The following ANO4 variants were observed in gnomAD, a reference collection of about 807,000 sequenced individuals.
ANO4 encodes the protein anoctamin 4, also known as anoctamin-4.
Under a neutral mutation model 141.9 loss-of-function variants are expected in ANO4, and 69 were observed. That is an observed-to-expected ratio of 0.49 (90% CI 0.40 to 0.59). ANO4 has a LOEUF of 0.59. ANO4 is among the 20% of genes least tolerant of loss of function. The pLI, the probability that ANO4 is intolerant of heterozygous loss-of-function variation, is 0.00. For synonymous variants in ANO4, 350 were observed against 394.3 expected (o/e 0.89, Z 1.33); for missense variants, 894 against 1,162.2 (o/e 0.77, Z 3.36).
At chr12:100,802,000 C>T (rs1013052596) in intron 1 of ANO4, among the ~76,000 whole-genome samples, 2 of 152,062 alleles carry the variant, frequency 1.3e-5, no homozygotes, top group Non-Finnish European at 2.9e-5. Flanking sequence ...ACGTTTTTTT[C>T]TCACCCATCC....
intron 8 of ANO4, among the ~76,000 whole-genome samples, chr12:100,999,544 C>G (rs2045544921): frequency 6.6e-6 from 1 of 152,156 alleles, no homozygotes. Flanking sequence ...TGCCATATTG[C>G]TTAACATTCT....
chr12:101,008,223 G>A (rs1173984114), intron 8 of ANO4, among the ~76,000 whole-genome samples: 2 of 151,840 alleles, frequency 1.3e-5, no homozygotes, highest in South Asian at 2.1e-4. Flanking sequence ...AATTAGACAT[G>A]TATACATTTT....
chr12:100,977,218 T>A (rs2044239072), intron 7 of ANO4, among the ~76,000 whole-genome samples: 1 of 152,184 alleles, frequency 6.6e-6, no homozygotes, highest in South Asian at 2.1e-4. Context: ...AGGGTATCCT[T>A]CTATTCTTTC....
At chr12:100,792,064 G>T (rs76685038), upstream of ANO4, among the ~76,000 whole-genome samples, 5 of 151,734 alleles carry the variant, frequency 3.3e-5, no homozygotes, top group African/African-American at 9.7e-5. Flanking sequence ...TTATGTGGCC[G>T]CCTACCCTCT....
At chr12:100,898,131 TG>T (rs2040429488) in intron 1 of ANO4, among the ~76,000 whole-genome samples, 1 of 152,242 alleles carries the variant, frequency 6.6e-6, no homozygotes, top group African/African-American at 2.4e-5. Flanking sequence ...CAGGCTCTTA[TG>T]GTTGTGATGA....
Position 100,882,675 on chromosome 12 carries a change from G to GTT in ANO4, c.-140-18964_-140-18963dup, listed in dbSNP as rs59850665. Among the ~76,000 whole-genome samples the GTT allele has an allele frequency of 1.8e-4, 28 of 151,480 alleles. No individual in the cohort carries two copies. The East Asian group carries it at 4.5e-3, about 24-fold the overall frequency. The stretch of plus-strand genomic sequence containing the variant: ...GCCTTTGGCAGTCTTCTGGAACTCT[G>GTT]TTTTTTTTGTTTGTTTTTTGTTTTT... On this transcript the variant is annotated intron_variant, in intron 1 of 27. Coordinates refer to ENST00000392977, the MANE Select transcript of ANO4 (RefSeq NM_001286615.2).
intron 8 of ANO4, among the ~76,000 whole-genome samples, chr12:100,996,226 C>T (rs2045361637): frequency 6.6e-6 from 1 of 152,100 alleles, no homozygotes. Context: ...ATAAAAAGAC[C>T]ACCTGACACA....
Position 101,128,300 on chromosome 12 carries a change from C to G in ANO4, c.*444C>G, listed in dbSNP as rs1849710. The G allele has an allele frequency of 0.14, 20,607 of 152,592 alleles. 1,446 individuals carry two copies. Among genetic ancestry groups the G allele is most frequent in the East Asian group, 0.19 (965 of 5,166 alleles). The allele number at this position is 152,592 out of a possible 1,614,324, so 9.5% of individuals were successfully genotyped here. A position where few individuals can be genotyped will look rare whatever the true frequency, so the allele number is the denominator to read the frequency against. On this transcript the variant is annotated 3_prime_UTR_variant, in exon 28 of 28. Coordinates refer to ENST00000392977, the MANE Select transcript of ANO4 (RefSeq NM_001286615.2). ...TATGGTCCTAATTCCATGTCACCAA[C>G]AACACAGACAAGACCCTGTTTACAA...
chr12:100,745,045 G>C (rs906114563), intron 3 of ANO4, among the ~76,000 whole-genome samples: 2 of 151,332 alleles, frequency 1.3e-5, no homozygotes, highest in Non-Finnish European at 1.5e-5. Flanking sequence ...GAAAATCTCT[G>C]TTGCTTCTCC....
At chr12:100,839,344 G>A (rs2037114380) in intron 1 of ANO4, among the ~76,000 whole-genome samples, 1 of 152,164 alleles carries the variant, frequency 6.6e-6, no homozygotes, top group South Asian at 2.1e-4. Flanking sequence ...GAGAAGCACA[G>A]AAACTGAAAA....
intron 8 of ANO4, among the ~76,000 whole-genome samples, chr12:101,013,073 C>T (rs1438948720): frequency 2.0e-5 from 3 of 152,108 alleles, no homozygotes; most frequent in African/African-American, 7.2e-5. Context: ...GTGATTTCTC[C>T]AAGCATTTAA....
chr12:100,866,766 G>T (rs1193657831), intron 1 of ANO4, among the ~76,000 whole-genome samples: 1 of 152,224 alleles, frequency 6.6e-6, no homozygotes, highest in African/African-American at 2.4e-5. Context: ...TGGATAGTTA[G>T]TGATTAGGGT....
chr12:101,065,396 CAAAT>C lies in ANO4; in HGVS notation c.1313-13789_1313-13786del, dbSNP rs2048538521. Among the ~76,000 whole-genome samples, 5 of 151,832 alleles carry C rather than the reference CAAAT, an allele frequency of 3.3e-5. No homozygotes were observed. In the South Asian group the frequency reaches 1.0e-3, roughly 32 times the overall value. ...TCATTGATTATTAAGAGAGAAGACC[CAAAT>C]AAATAAAATCAGATATGAAAAAGGA... On this transcript the variant is annotated intron_variant, in intron 14 of 27. Transcript: ENST00000392977.
chr12:100,740,821 A>G (rs2031831421), intron 3 of ANO4, among the ~76,000 whole-genome samples: 1 of 152,236 alleles, frequency 6.6e-6, no homozygotes, highest in South Asian at 2.1e-4. Context: ...TTCAGTATTT[A>G]TATATAAGGT....
chr12:100,961,981 G>C (rs2043445931), intron 5 of ANO4, among the ~76,000 whole-genome samples: 1 of 152,174 alleles, frequency 6.6e-6, no homozygotes, highest in African/African-American at 2.4e-5. Flanking sequence ...CACCAGGGTT[G>C]GTACAAAGTG....
At chr12:100,973,441 C>T (rs2044017243) in intron 6 of ANO4, among the ~76,000 whole-genome samples, 1 of 152,104 alleles carries the variant, frequency 6.6e-6, no homozygotes, top group South Asian at 2.1e-4. Context: ...GGATTTTTAT[C>T]CCTATAATGT....
chr12:101,003,231 G>T (rs1212738697), intron 8 of ANO4, among the ~76,000 whole-genome samples: 1 of 152,236 alleles, frequency 6.6e-6, no homozygotes, highest in Non-Finnish European at 1.5e-5. Context: ...TAACATGTTA[G>T]CAACGGGTCA....
chr12:100,731,614 C>T (rs1239386448), intron 1 of ANO4, among the ~76,000 whole-genome samples: 2 of 152,178 alleles, frequency 1.3e-5, no homozygotes, highest in African/African-American at 4.8e-5. Context: ...AGACTAATTT[C>T]ATTGCCCTAA....
chr12:100,997,451 A>G (rs1222093275), intron 8 of ANO4, among the ~76,000 whole-genome samples: 1 of 151,794 alleles, frequency 6.6e-6, no homozygotes, highest in Non-Finnish European at 1.5e-5. Context: ...AAGCCTGTGC[A>G]TGTGAAGACA....
Sources: allele counts gnomAD v4.1 joint callset (sites outside exome capture counted in the v4.1 genomes callset), GRCh38; gene constraint gnomAD v4.1.1; transcripts MANE v1.5; gene names NCBI Gene and HGNC (gene_info 2026-07-23, HGNC 2026-07-21).